The following BCL3 variants were observed in gnomAD, a reference collection of about 807,000 sequenced individuals.
BCL3 encodes the protein BCL3 transcription coactivator, also known as B-cell lymphoma 3 protein.
BCL3 carries 15 observed loss-of-function variants against 35.7 expected under a neutral mutation model. That is an observed-to-expected ratio of 0.42 (90% CI 0.28 to 0.65). The LOEUF is 0.65. Ranked by LOEUF, BCL3 falls within the 30% of genes least tolerant of loss-of-function variation. The pLI is 0.22. For synonymous variants in BCL3, 311 were observed against 284.3 expected, an observed-to-expected ratio of 1.09 and a Z score of -0.95; for missense variants, 565 against 641.7, an observed-to-expected ratio of 0.88 and a Z score of 1.29.
chr19:44,748,983 G>T lies in BCL3; in HGVS notation c.193G>T (p.Asp65Tyr). ...CCTGGACCCTCTGCGCGGCGGCTGC[G>T]ACCTGCCGGCGGTCCCCGGGCCCCC... The part of the protein sequence containing the change: ...VPLDPLRGGC[D>Y]LPAVPGPPHG... The change falls in exon 1 of 9, where the codon GAC becomes TAC. Residue 65 changes from aspartate to tyrosine, a missense_variant. Physicochemically the swap from Asp to Tyr is radical, Grantham distance 160. This residue lies in a region of BCL3 where 267 missense variants were observed against 281.5 expected (regional missense o/e 0.95). Coordinates refer to ENST00000164227, the MANE Select transcript of BCL3 (RefSeq NM_005178.5). 1 of 1,381,834 alleles carries T rather than the reference G, an allele frequency of 7.2e-7. No homozygotes were observed. The highest frequency in any genetic ancestry group is 1.5e-5 in the South Asian group (1 of 65,072). 85.6% of individuals were successfully genotyped at this position (1,381,834 alleles called of 1,614,324 possible).
Position 44,759,816 on chromosome 19 carries a change from C to G in BCL3, c.*201C>G. 1 of 492,594 alleles carries G rather than the reference C, an allele frequency of 2.0e-6. No individual in the cohort carries two copies. The highest frequency in any genetic ancestry group is 3.5e-6 in the Non-Finnish European group (1 of 282,478). 30.5% of individuals were successfully genotyped at this position (492,594 alleles called of 1,614,324 possible). A position where few individuals can be genotyped will look rare whatever the true frequency, so the allele number is the denominator to read the frequency against. On this transcript the variant is annotated 3_prime_UTR_variant, in exon 9 of 9. Transcript: ENST00000164227. ...TCCCCCATCTCGCTCCCTCCCAGGA[C>G]TCTGACCCCAGCATTCTCAGGCACC... is the stretch of plus-strand genomic sequence containing the variant.
chr19:44,748,761 C>A lies in BCL3; in HGVS notation c.-30C>A. ...ACCCTCCCGTGCAGCCGAGCCCAGC[C>A]GCTCTCCGGCCGCCGTCCCCGGCGG... On this transcript the variant is annotated 5_prime_UTR_variant, in exon 1 of 9. Transcript: ENST00000164227. The A allele has an allele frequency of 9.1e-7, 1 of 1,093,070 alleles. No homozygotes were observed. The highest frequency in any genetic ancestry group is 5.1e-5 in the East Asian group (1 of 19,510). The allele number at this position is 1,093,070 out of a possible 1,614,324, so 67.7% of individuals were successfully genotyped here.
intron 1 of BCL3, among the ~76,000 whole-genome samples, chr19:44,750,296 T>TGTTC (rs3065421): frequency 3.3e-5 from 4 of 121,816 alleles, no homozygotes; most frequent in Admixed American, 1.6e-4. Flanking sequence ...TTTGTTTGTT[T>TGTTC]TTGTTTTTGT....
chr19:44,759,701 C>A lies in BCL3; in HGVS notation c.*86C>A. ...ACCCTTCTGGAAACTGTGAAGATCT[C>A]ACTCTGCCCCCCCCCCCCATCTTCG... On this transcript the variant is annotated 3_prime_UTR_variant, in exon 9 of 9. Transcript: ENST00000164227. 7.0e-6 allele frequency: 5 copies of A among 711,056 alleles called. No individual in the cohort carries two copies. Among genetic ancestry groups the A allele is most frequent in the Non-Finnish European group, 1.1e-5 (5 of 459,752 alleles). The allele number at this position is 711,056 out of a possible 1,614,324, so 44.0% of individuals were successfully genotyped here.
In BCL3 at chr19:44,757,858, T is replaced by C; in HGVS notation, c.891+135T>C. The C allele has an allele frequency of 1.2e-6, 1 of 843,924 alleles. No individual in the cohort carries two copies. The highest frequency in any genetic ancestry group is 1.8e-6 in the Non-Finnish European group (1 of 544,350). The allele number at this position is 843,924 out of a possible 1,614,324, so 52.3% of individuals were successfully genotyped here. ...TGCTCCGCGTCCAGCTCTGATCCTT[T>C]AAGGCCTAGTTTTCTCGACCCTCGG... is the stretch of plus-strand genomic sequence containing the variant. On this transcript the variant is annotated intron_variant, in intron 6 of 8. Coordinates refer to ENST00000164227, the MANE Select transcript of BCL3 (RefSeq NM_005178.5). The surrounding 1 kb of genome is among the most constrained non-coding windows in gnomAD (Gnocchi z 8.4).
chr19:44,757,156 G>C lies in BCL3; in HGVS notation c.659G>C (p.Cys220Ser). 2 of 1,587,298 alleles carry C rather than the reference G, an allele frequency of 1.3e-6. No homozygotes were observed. Among genetic ancestry groups the C allele is most frequent in the Non-Finnish European group, 1.7e-6 (2 of 1,167,248 alleles). The change falls in exon 4 of 9, where the codon TGC becomes TCC. Residue 220 changes from cysteine to serine, a missense_variant. Cys to Ser is a moderately radical substitution (Grantham distance 112). Coordinates refer to ENST00000164227, the MANE Select transcript of BCL3 (RefSeq NM_005178.5). This position sits in a 1 kb window ranked among gnomAD's most constrained non-coding sequence, Gnocchi z 8.4. ...HLACEHRSPT[C>S]LRALLDSAAP... ...GCGTGCGAGCACCGCAGCCCGACCT[G>C]CCTGCGAGCCCTGCTGGACAGCGCA... is the stretch of plus-strand genomic sequence containing the variant.
At chr19:44,754,808 C>A (rs191172007) in intron 2 of BCL3, among the ~76,000 whole-genome samples, 1 of 152,228 alleles carries the variant, frequency 6.6e-6, no homozygotes, top group Non-Finnish European at 1.5e-5. Context: ...GTGATCTCAC[C>A]CTGGCATGTG....
At chr19:44,749,295 G>GCCA (rs1967132196) in intron 1 of BCL3, among the ~76,000 whole-genome samples, 1 of 148,548 alleles carries the variant, frequency 6.7e-6, no homozygotes, top group South Asian at 2.1e-4. Context: ...GGGGGGGGGG[G>GCCA]GGCCAGGGAC....
intron 1 of BCL3, among the ~76,000 whole-genome samples, chr19:44,749,616 A>G (rs1282929278): frequency 2.0e-5 from 3 of 152,070 alleles, no homozygotes; most frequent in Non-Finnish European, 4.4e-5. Flanking sequence ...AATATCTGGG[A>G]TCACAAGGAT....
At chr19:44,755,592 T>C (rs187514570) in intron 2 of BCL3, 82 of 152,458 alleles carry the variant, frequency 5.4e-4, no homozygotes, top group African/African-American at 1.9e-3. Context: ...CCATCCCAGT[T>C]TGTCCTCACC....
chr19:44,758,785 C>T lies in BCL3; in HGVS notation c.1121C>T (p.Ser374Phe). 2 of 1,608,990 alleles carry T rather than the reference C, an allele frequency of 1.2e-6. No homozygotes were observed. Among genetic ancestry groups the T allele is most frequent in the Non-Finnish European group, 1.7e-6 (2 of 1,178,468 alleles). Reference protein sequence around the residue: ...RPASTSQPDPSPDRSANTSPE... With the variant: ...RPASTSQPDPFPDRSANTSPE... ...GCTTCCACCTCCCAGCCAGACCCCT[C>T]CCCTGACCGGAGCGCCAACACCTCC... The change falls in exon 8 of 9, where the codon TCC becomes TTC. Residue 374 changes from serine to phenylalanine, a missense_variant. Transcript: ENST00000164227.
At chr19:44,747,776 A>G (rs1967092860), upstream of BCL3, 3 of 976,918 alleles carry the variant, frequency 3.1e-6, no homozygotes, top group Non-Finnish European at 3.8e-6. Context: ...GTCTCTTGCT[A>G]TCTCTCTTTC....
chr19:44,752,466 C>CAA (rs2122284964), intron 2 of BCL3, among the ~76,000 whole-genome samples: 1 of 152,210 alleles, frequency 6.6e-6, no homozygotes, highest in Admixed American at 6.5e-5. Flanking sequence ...CTCAGCCTCC[C>CAA]AAAGTGCTGA....
chr19:44,754,891 C>T (rs1247186680), intron 2 of BCL3, among the ~76,000 whole-genome samples: 1 of 152,254 alleles, frequency 6.6e-6, no homozygotes, highest in Admixed American at 6.5e-5. Context: ...CACGCGGCTA[C>T]GCTAGGAGGG....
chr19:44,758,459 G>A (rs1779697193), intron 7 of BCL3, 46 bp downstream of exon 7: 1 of 1,513,866 alleles, frequency 6.6e-7, no homozygotes, highest in Non-Finnish European at 8.9e-7. Flanking sequence ...ACGTGTGTCC[G>A]CGGGCTGGTT....
intron 1 of BCL3, among the ~76,000 whole-genome samples, chr19:44,750,839 A>T (rs945828226): frequency 6.6e-6 from 1 of 152,018 alleles, no homozygotes; most frequent in Admixed American, 6.6e-5. Flanking sequence ...ACTCTCCCCA[A>T]ACCCACTCTA....
chr19:44,752,279 C>T (rs1967196300), intron 2 of BCL3, among the ~76,000 whole-genome samples: 1 of 151,500 alleles, frequency 6.6e-6, no homozygotes, highest in Non-Finnish European at 1.5e-5. Context: ...TAGCTCACTG[C>T]AGCCTTGATC....
intron 1 of BCL3, 136 bp from the exon 2 acceptor site, chr19:44,751,091 C>G: frequency 8.7e-7 from 1 of 1,147,694 alleles, no homozygotes; most frequent in Non-Finnish European, 1.2e-6. Flanking sequence ...CCCTGAGGAC[C>G]CTGTATGGGA....
chr19:44,749,191 A>T, intron 1 of BCL3, 145 bp downstream of exon 1: 1 of 312,774 alleles, frequency 3.2e-6, no homozygotes, highest in Non-Finnish European at 5.4e-6. Flanking sequence ...TTCCAAGGAT[A>T]TAGATATGAG....
Sources: gnomAD v4.1 joint callset for allele counts (sites outside exome capture counted in the v4.1 genomes callset) on GRCh38, gnomAD v4.1.1 for gene constraint, gnomAD v4.1.1 regional missense constraint, Gnocchi (gnomAD v3.1) non-coding constraint, MANE v1.5 for transcripts, NCBI Gene and HGNC (gene_info 2026-07-23, HGNC 2026-07-21) for gene names.